Variants in ATP2B2 observed in about 807,000 individuals in gnomAD.
ATP2B2 encodes ATPase plasma membrane Ca2+ transporting 2.
ATP2B2 carries 15 observed loss-of-function variants against 120.0 expected under a neutral mutation model. That is an observed-to-expected ratio of 0.12 (90% CI 0.08 to 0.19). The LOEUF is 0.19. Ranked by LOEUF, ATP2B2 falls within the 10% of genes least tolerant of loss-of-function variation. The pLI is 1.00. For missense variants in ATP2B2, 1,045 were observed against 1,719.8 expected (o/e 0.61, Z 6.94); for synonymous variants, 694 against 700.3 (o/e 0.99, Z 0.14).
At chr3:10,501,834 CT>C (rs2066407378) in intron 1 of ATP2B2, among the ~76,000 whole-genome samples, 1 of 152,168 alleles carries the variant, frequency 6.6e-6, no homozygotes, top group African/African-American at 2.4e-5. Flanking sequence ...CTCTGAGCGC[CT>C]ATGTGCTCCA....
At chr3:10,583,214 T>A (rs967631473) in intron 2 of ATP2B2, among the ~76,000 whole-genome samples, 10 of 152,232 alleles carry the variant, frequency 6.6e-5, no homozygotes, top group African/African-American at 1.9e-4. Flanking sequence ...CTCTGACACC[T>A]AGAAGTCCCG....
intron 1 of ATP2B2, among the ~76,000 whole-genome samples, chr3:10,465,393 C>G (rs2064692414): frequency 1.3e-5 from 2 of 152,240 alleles, no homozygotes; most frequent in African/African-American, 4.8e-5. Flanking sequence ...TGATGACAGG[C>G]AACTTGGCAG....
At chr3:10,350,686 G>T in intron 14 of ATP2B2, 109 bp from the exon 15 acceptor site, 1 of 1,166,792 alleles carries the variant, frequency 8.6e-7, no homozygotes, top group African/African-American at 1.5e-5. Context: ...ACTGAAAGGG[G>T]ACTAGATGAC....
rs1203478288 is a variant in ATP2B2, at chr3:10,610,078, C to CACAA, written c.-415+9838_-415+9839insTTGT. Among the ~76,000 whole-genome samples, 3 of 46,592 alleles carry CACAA rather than the reference C, an allele frequency of 6.4e-5. No homozygotes were observed. The African/African-American group carries it at 9.9e-4, about 15-fold the overall frequency. 30.6% of individuals were successfully genotyped at this position (46,592 alleles called of 152,430 possible). A position where few individuals can be genotyped will look rare whatever the true frequency, so the allele number is the denominator to read the frequency against. ...ATACACATATACATATACACACATACACACACACACACACACACACACACA... is the reference window on the plus strand; with the variant it reads ...ATACACATATACATATACACACATACACAAACACACACACACACACACACACACA... On this transcript the variant is annotated intron_variant, in intron 2 of 21. Coordinates refer to the ATP2B2 transcript ENST00000646379.
Position 10,699,454 on chromosome 3 carries a change from A to G in ATP2B2, c.-460+8461T>C, listed in dbSNP as rs148629180. 6.5e-3 allele frequency among the ~76,000 whole-genome samples: 995 copies of G among 152,362 alleles called. 6 individuals are homozygous for G. Among genetic ancestry groups the G allele is most frequent in the Non-Finnish European group, 0.011 (749 of 68,034 alleles). ...AAAGGGACAGAAAAACAGAATATCT[A>G]TTTATCTATCAATCATAGAGAAATG... On this transcript the variant is annotated intron_variant, in intron 1 of 21. Transcript: ENST00000646379.
chr3:10,680,376 G>A (rs2071354678), intron 1 of ATP2B2, among the ~76,000 whole-genome samples: 1 of 152,060 alleles, frequency 6.6e-6, no homozygotes, highest in South Asian at 2.1e-4. Context: ...ACAGACCAGT[G>A]CAGCCAATGT....
intron 2 of ATP2B2, among the ~76,000 whole-genome samples, chr3:10,600,484 T>C (rs554312125): frequency 2.2e-4 from 33 of 152,308 alleles, no homozygotes; most frequent in Non-Finnish European, 8.8e-5. Flanking sequence ...CCCTAGCAGC[T>C]GCATATTTAA....
At chr3:10,681,830 C>A (rs963829957) in intron 1 of ATP2B2, among the ~76,000 whole-genome samples, 5 of 152,200 alleles carry the variant, frequency 3.3e-5, no homozygotes, top group Non-Finnish European at 7.3e-5. Context: ...CTACAGGCTC[C>A]AAAGCCTGCA....
At chr3:10,554,594 T>C (rs2067739644) in intron 2 of ATP2B2, among the ~76,000 whole-genome samples, 1 of 152,210 alleles carries the variant, frequency 6.6e-6, no homozygotes, top group Admixed American at 6.5e-5. Flanking sequence ...CCAGAAGGAA[T>C]GTGGCTCTGC....
intron 5 of ATP2B2, among the ~76,000 whole-genome samples, chr3:10,391,901 G>A (rs1575100465): frequency 1.3e-5 from 2 of 152,186 alleles, no homozygotes; most frequent in South Asian, 4.1e-4. Flanking sequence ...TGCCTTTGGA[G>A]TGTGCACAGT....
intron 1 of ATP2B2, among the ~76,000 whole-genome samples, chr3:10,688,573 G>C (rs1237010770): frequency 1.3e-5 from 2 of 152,192 alleles, no homozygotes; most frequent in African/African-American, 2.4e-5. Flanking sequence ...TGTGCCAAAT[G>C]ACCCAGGTCC....
At chr3:10,458,803 G>A (rs1424698264) in intron 1 of ATP2B2, among the ~76,000 whole-genome samples, 2 of 152,234 alleles carry the variant, frequency 1.3e-5, no homozygotes, top group African/African-American at 4.8e-5. Flanking sequence ...AATCGCCACG[G>A]CCATATGGGT....
At chr3:10,663,247 T>TAAG (rs2070836635) in intron 1 of ATP2B2, among the ~76,000 whole-genome samples, 1 of 151,474 alleles carries the variant, frequency 6.6e-6, no homozygotes, top group Admixed American at 6.6e-5. Context: ...ATAATAATAA[T>TAAG]AATAAAAGAA....
intron 13 of ATP2B2, among the ~76,000 whole-genome samples, 179 bp from the exon 14 acceptor site, chr3:10,359,104 A>T (rs1436512273): frequency 6.6e-6 from 1 of 152,186 alleles, no homozygotes; most frequent in East Asian, 1.9e-4. Flanking sequence ...TGCCCAGGCC[A>T]CTCAGCAAGC....
At position 10,597,259 on chromosome 3, in the gene ATP2B2, ACACAGG is replaced by A. The variant is rs997774907; in HGVS notation, c.-415+22652_-415+22657del. 3.3e-5 allele frequency among the ~76,000 whole-genome samples: 5 copies of A among 149,656 alleles called. No homozygotes were observed. The East Asian group carries it at 6.0e-4, about 18-fold the overall frequency. On this transcript the variant is annotated intron_variant, in intron 2 of 21. Transcript: ENST00000646379. ...CACATACCCACAGGCACACACACAG[ACACAGG>A]CACAGGCACACACACAGGTACACAC...
chr3:10,371,785 T>C (rs777094063), intron 12 of ATP2B2, 24 bp downstream of exon 12: 2 of 1,614,102 alleles, frequency 1.2e-6, no homozygotes, highest in South Asian at 1.1e-5. Context: ...CTCCAGGTGG[T>C]GGATGTGCCT....
Position 10,386,478 on chromosome 3 carries a change from A to G in ATP2B2, c.940+2T>C, listed in dbSNP as rs774901697. ...ATCTACCCTGAGGGTGTCTTACTGT[A>G]CCTGGTAGCTGAAGGCCATCCCCCT... On this transcript the variant is annotated splice_donor_variant, in intron 7 of 22. Coordinates refer to ENST00000360273, the MANE Select transcript of ATP2B2 (RefSeq NM_001001331.4). LOFTEE classifies it high-confidence loss of function. 1 of 1,614,096 alleles carries G rather than the reference A, an allele frequency of 6.2e-7. No individual in the cohort carries two copies. The highest frequency in any genetic ancestry group is 1.3e-5 in the African/African-American group (1 of 75,026).
At chr3:10,523,125 T>A (rs1413447131) in intron 3 of ATP2B2, among the ~76,000 whole-genome samples, 2 of 152,214 alleles carry the variant, frequency 1.3e-5, no homozygotes, top group Non-Finnish European at 2.9e-5. Flanking sequence ...CTGCTGACAG[T>A]GACAATGGCT....
intron 12 of ATP2B2, 115 bp from the exon 13 acceptor site, chr3:10,360,238 TGAGCCCTCAGG>T (rs1416529769): frequency 3.0e-5 from 43 of 1,456,568 alleles, no homozygotes; most frequent in East Asian, 1.4e-4. Context: ...GGCTGGGGGC[TGAGCCCTCAGG>T]GAGCCCTTGG....
Sources: gnomAD v4.1 joint callset for allele counts (sites outside exome capture counted in the v4.1 genomes callset) on GRCh38, gnomAD v4.1.1 for gene constraint, MANE v1.5 for transcripts, NCBI Gene and HGNC (gene_info 2026-07-23, HGNC 2026-07-21) for gene names.